Variants in PHRF1 observed in about 807,000 individuals in gnomAD.
PHRF1 encodes the protein PHD and ring finger domains 1.
In PHRF1, 53 loss-of-function variants were observed where a neutral mutation model predicts 128.9. That is an observed-to-expected ratio of 0.41 (90% confidence interval 0.33 to 0.52). The LOEUF (loss-of-function observed/expected upper bound fraction) is 0.52. PHRF1 is among the 20% of genes least tolerant of loss of function. PHRF1 has a pLI of 0.21. For synonymous variants in PHRF1, 1,178 were observed against 980.6 expected (o/e 1.20, Z -3.76); for missense variants, 2,503 against 2,284.5 (o/e 1.10, Z -1.95).
rs371223606 is a variant in PHRF1 at position 582,032 on chromosome 11, C to A, written c.165C>A (p.Asp55Glu). ...ACAGCGAGCATGGAGATGGCACAGA[C>A]GGAGAAGACGAGGGGGCGTCTGAGG... is the stretch of plus-strand genomic sequence containing the variant. ...DSDSEHGDGTDGEDEGASEEE... is the reference protein window; with the variant it reads ...DSDSEHGDGTEGEDEGASEEE... Residue 55 changes from aspartate to glutamate, a missense_variant, in exon 3 of 18, where the codon GAC (aspartate) becomes GAA (glutamate). By Grantham distance (45) the Asp-to-Glu change is conservative. Transcript: ENST00000264555. The A allele has an allele frequency of 1.2e-6, 2 of 1,607,336 alleles. No homozygotes were observed. The highest frequency in any genetic ancestry group is 1.1e-5 in the South Asian group (1 of 89,454).
intron 12 of PHRF1, 93 bp from the exon 13 acceptor site, chr11:606,349 C>T (rs1381915156): frequency 3.5e-6 from 5 of 1,429,512 alleles, no homozygotes; most frequent in African/African-American, 1.4e-5. Context: ...GCCCCACTCT[C>T]CCTGGCTCCC....
chr11:593,996 G>A (rs1237562572), intron 6 of PHRF1, among the ~76,000 whole-genome samples: 1 of 152,216 alleles, frequency 6.6e-6, no homozygotes, highest in Non-Finnish European at 1.5e-5. Flanking sequence ...TGAGTCTGAA[G>A]GGCAGGGCTG....
intron 14 of PHRF1, 44 bp from the exon 15 acceptor site, chr11:610,152 G>A: frequency 6.8e-7 from 1 of 1,460,860 alleles, no homozygotes; most frequent in Non-Finnish European, 9.1e-7. Context: ...TTCTGGGCAG[G>A]GGTGGGCACA....
At position 581,832 on chromosome 11, in the gene PHRF1, G is replaced by T. The variant is rs568229725; in HGVS notation, c.95-130G>T. The T allele has an allele frequency of 1.8e-3, 2,476 of 1,342,618 alleles. 3 individuals carry two copies. Among genetic ancestry groups the T allele is most frequent in the Non-Finnish European group, 2.2e-3 (2,187 of 1,006,808 alleles). 83.2% of individuals were successfully genotyped at this position (1,342,618 alleles called of 1,614,324 possible). Reference sequence around the variant, plus strand: ...CTTTCCTTGCTTGTGCCCCCACCTTGCCGGCCCTGGGGAAGCCGTTAGCCG... The same window carrying T: ...CTTTCCTTGCTTGTGCCCCCACCTTTCCGGCCCTGGGGAAGCCGTTAGCCG... On this transcript the variant is annotated intron_variant, in intron 2 of 17. Transcript: ENST00000264555.
chr11:591,932 C>T (rs191638333), intron 5 of PHRF1, among the ~76,000 whole-genome samples: 2,268 of 147,956 alleles, frequency 0.015, 58 homozygotes, highest in African/African-American at 0.054. Context: ...TTTTTTTTCC[C>T]GAGACAAGAG....
intron 5 of PHRF1, 115 bp from the exon 6 acceptor site, chr11:592,444 G>C: frequency 9.8e-7 from 1 of 1,023,542 alleles, no homozygotes; most frequent in Admixed American, 1.8e-5. Flanking sequence ...GGCCTGTGGA[G>C]CCCAAATATG....
At chr11:587,233 C>T (rs754609935) in intron 3 of PHRF1, 26 bp from the exon 4 acceptor site, 5 of 1,608,748 alleles carry the variant, frequency 3.1e-6, no homozygotes, top group Non-Finnish European at 4.2e-6. Context: ...ATCCTGCTTG[C>T]ACCAGCTGGC....
Position 608,888 on chromosome 11 carries a change from G to A in PHRF1, c.3432G>A (p.Glu1144=). 2.5e-6 allele frequency: 4 copies of A among 1,612,348 alleles called. No individual in the cohort carries two copies. The highest frequency in any genetic ancestry group is 3.4e-6 in the Non-Finnish European group (4 of 1,179,796). ...AGCATCAGCGGGAACGCAGCCACGA[G>A]CGGCCAGACAGGAAGGAGAGTGTGG... ...RHKHQRERSH[E]RPDRKESVAW... is the part of the protein sequence containing the mutation. Residue 1144 remains glutamate (E), a synonymous_variant, in exon 14 of 18, where the codon GAG becomes GAA. Coordinates refer to ENST00000264555, the MANE Select transcript of PHRF1 (RefSeq NM_001286581.2).
chr11:611,513 G>T, intron 17 of PHRF1, 121 bp from the exon 18 acceptor site: 1 of 1,405,880 alleles, frequency 7.1e-7, no homozygotes, highest in Non-Finnish European at 9.7e-7. Context: ...GTCTGTCTGC[G>T]TGCTGCACCT....
intron 17 of PHRF1, 133 bp downstream of exon 17, chr11:611,215 G>C: frequency 2.1e-6 from 3 of 1,412,452 alleles, no homozygotes; most frequent in Non-Finnish European, 9.6e-7. Flanking sequence ...GGGTCAGGGG[G>C]CTGTATTGCC....
intron 6 of PHRF1, among the ~76,000 whole-genome samples, chr11:593,831 G>A (rs898124640): frequency 1.3e-5 from 2 of 152,132 alleles, no homozygotes; most frequent in Admixed American, 6.6e-5. Flanking sequence ...GCTCACATTC[G>A]CAGACACCTC....
intron 4 of PHRF1, among the ~76,000 whole-genome samples, chr11:589,187 C>T (rs137970833): frequency 3.4e-4 from 51 of 151,250 alleles, no homozygotes; most frequent in Admixed American, 1.1e-3. Flanking sequence ...TGCTGCTTAG[C>T]GAGATTATTG....
intron 1 of PHRF1, among the ~76,000 whole-genome samples, chr11:577,662 TCTC>T (rs1261784704): frequency 6.6e-6 from 1 of 152,172 alleles, no homozygotes. Context: ...AATTTTGAGT[TCTC>T]CTAGCTGATA....
At chr11:579,150 A>G (rs1854059474) in intron 1 of PHRF1, among the ~76,000 whole-genome samples, 1 of 151,970 alleles carries the variant, frequency 6.6e-6, no homozygotes, top group Non-Finnish European at 1.5e-5. Flanking sequence ...ACCAATTCAC[A>G]TTTTTTACTT....
chr11:609,475 G>T lies in PHRF1; in HGVS notation c.4019G>T (p.Gly1340Val). Residue 1340 changes from glycine (G) to valine (V), a missense_variant, in exon 14 of 18, where the codon GGC becomes GTC. Physicochemically the swap from Gly to Val is moderately radical, Grantham distance 109. Coordinates refer to ENST00000264555, the MANE Select transcript of PHRF1 (RefSeq NM_001286581.2). ...DPSQPPPLPE[G>V]TQEPHLLRPD... The stretch of plus-strand genomic sequence containing the variant: ...TCGCAGCCCCCACCCCTGCCAGAGG[G>T]CACCCAGGAGCCACATTTGCTCAGG... The T allele has an allele frequency of 6.2e-7, 1 of 1,605,028 alleles. No individual in the cohort carries two copies. The highest frequency in any genetic ancestry group is 8.5e-7 in the Non-Finnish European group (1 of 1,179,384).
At chr11:599,236 CTTTTTTT>C (rs1554908051) in intron 9 of PHRF1, among the ~76,000 whole-genome samples, 1 of 125,012 alleles carries the variant, frequency 8.0e-6, no homozygotes, top group Admixed American at 7.9e-5. Flanking sequence ...CATACTTTTT[CTTTTTTT>C]TTTTCTTTTC....
At chr11:600,793 C>T (rs1003698712) in intron 9 of PHRF1, among the ~76,000 whole-genome samples, 11 of 151,972 alleles carry the variant, frequency 7.2e-5, no homozygotes, top group East Asian at 1.9e-4. Context: ...GGTGAAACCC[C>T]GTCTCTACTA....
In PHRF1 at chr11:607,894, C is replaced by T. The variant is rs375670666; in HGVS notation, c.2438C>T (p.Pro813Leu). 10 of 1,612,606 alleles carry T rather than the reference C, an allele frequency of 6.2e-6. No individual in the cohort carries two copies. The highest frequency in any genetic ancestry group is 1.7e-5 in the Admixed American group (1 of 60,012). The change falls in exon 14 of 18, where the codon CCC becomes CTC. Residue 813 changes from proline to leucine, a missense_variant. Pro to Leu is a moderately conservative substitution (Grantham distance 98, BLOSUM62 -3). Coordinates refer to ENST00000264555, the MANE Select transcript of PHRF1 (RefSeq NM_001286581.2). ...VDDKEQRKEN[P>L]SPLFSIKKTK... ...GATAAGGAGCAGAGGAAGGAGAACC[C>T]CTCACCCCTCTTCTCCATCAAGAAG...
Position 597,097 on chromosome 11 carries a change from G to A in PHRF1, c.718+77G>A. On this transcript the variant is annotated intron_variant, in intron 7 of 17. Coordinates refer to ENST00000264555, the MANE Select transcript of PHRF1 (RefSeq NM_001286581.2). The surrounding 1 kb of genome is among the most constrained non-coding windows in gnomAD (Gnocchi z 6.5). ...CTCTGCGGTCCCCGGGGTTAGGTTT[G>A]GCTGCTGTGTGGGGAGGACATCTAG... is the stretch of plus-strand genomic sequence containing the variant. 1 of 1,465,186 alleles carries A rather than the reference G, an allele frequency of 6.8e-7. No homozygotes were observed. Among genetic ancestry groups the A allele is most frequent in the Admixed American group, 1.9e-5 (1 of 52,036 alleles). The allele number at this position is 1,465,186 out of a possible 1,614,324, so 90.8% of individuals were successfully genotyped here. A position where few individuals can be genotyped will look rare whatever the true frequency, so the allele number is the denominator to read the frequency against.
Sources: allele counts gnomAD v4.1 joint callset (sites outside exome capture counted in the v4.1 genomes callset), GRCh38; gene constraint gnomAD v4.1.1; non-coding constraint Gnocchi (gnomAD v3.1); transcripts MANE v1.5; gene names NCBI Gene and HGNC (gene_info 2026-07-23, HGNC 2026-07-21).